The following ZNF737 variants were observed in gnomAD, a reference collection of about 807,000 sequenced individuals.
The protein encoded by ZNF737 is zinc finger protein 737.
In ZNF737, 13 loss-of-function variants were observed where a neutral mutation model predicts 11.7. The observed-to-expected ratio is 1.11, with a 90% CI of 0.73 to 1.77. ZNF737 has a LOEUF of 1.77. ZNF737 is among the 40% of genes most tolerant of loss of function. The pLI, the probability that ZNF737 is intolerant of heterozygous loss-of-function variation, is 0.00. For synonymous variants in ZNF737, 217 were observed against 216.2 expected (o/e 1.00, Z -0.03); for missense variants, 636 against 638.0 (o/e 1.00, Z 0.03).
intron 3 of ZNF737, among the ~76,000 whole-genome samples, chr19:20,548,970 A>AG (rs1968559711): frequency 8.5e-6 from 1 of 116,970 alleles, no homozygotes; most frequent in East Asian, 3.1e-4. Context: ...CTGAAAAAAA[A>AG]AAAAAAAAAA....
intron 1 of ZNF737, 138 bp downstream of exon 1, chr19:20,565,500 G>C: frequency 6.8e-7 from 1 of 1,472,602 alleles, no homozygotes; most frequent in Non-Finnish European, 9.5e-7. Context: ...ACGGGACTGA[G>C]GCCGAGCTGG....
chr19:20,536,334 C>T (rs1444240029), downstream of ZNF737, among the ~76,000 whole-genome samples: 2 of 152,018 alleles, frequency 1.3e-5, no homozygotes, highest in South Asian at 2.1e-4. Flanking sequence ...AAAATATGAC[C>T]TCACACTAAT....
chr19:20,561,106 G>T (rs188190574), intron 1 of ZNF737, among the ~76,000 whole-genome samples: 79 of 152,322 alleles, frequency 5.2e-4, no homozygotes, highest in African/African-American at 1.8e-3. Flanking sequence ...TGCAATGTAG[G>T]TGAGAGGACT....
At chr19:20,565,336 A>AC (rs1421090594) in intron 1 of ZNF737, among the ~76,000 whole-genome samples, 1 of 151,240 alleles carries the variant, frequency 6.6e-6, no homozygotes, top group East Asian at 1.9e-4. Flanking sequence ...TCCCCTGACG[A>AC]CCCTCTGGTG....
At chr19:20,556,188 C>T (rs1390816956) in intron 1 of ZNF737, among the ~76,000 whole-genome samples, 1 of 152,138 alleles carries the variant, frequency 6.6e-6, no homozygotes, top group Non-Finnish European at 1.5e-5. Context: ...CTGTGGCCAC[C>T]CTTTAGTGCA....
At chr19:20,531,579 C>G (rs1967830144), downstream of ZNF737, among the ~76,000 whole-genome samples, 1 of 149,306 alleles carries the variant, frequency 6.7e-6, no homozygotes, top group Admixed American at 6.7e-5. Context: ...CCTCTGCCTC[C>G]CTAGTAGCTG....
Position 20,542,536 on chromosome 19 carries a change from C to A in ZNF737, c.*2056G>T. ...CATGAGCCATCAAGCCCGGCCCTAA[C>A]AGTTTTAAAATGCACTGCATTTTAT... On this transcript the variant is annotated 3_prime_UTR_variant, in exon 4 of 4. Coordinates refer to ENST00000427401, the MANE Select transcript of ZNF737 (RefSeq NM_001159293.2). 1 of 981,822 alleles carries A rather than the reference C, an allele frequency of 1.0e-6. No individual in the cohort carries two copies. The highest frequency in any genetic ancestry group is 1.2e-6 in the Non-Finnish European group (1 of 826,978). The allele number at this position is 981,822 out of a possible 1,614,324, so 60.8% of individuals were successfully genotyped here. A position where few individuals can be genotyped will look rare whatever the true frequency, so the allele number is the denominator to read the frequency against.
downstream of ZNF737, among the ~76,000 whole-genome samples, chr19:20,534,372 G>A (rs772590215): frequency 5.5e-4 from 82 of 150,016 alleles, 1 homozygote; most frequent in Non-Finnish European, 1.0e-3. Flanking sequence ...AACCAGGGAT[G>A]TGGAGGTTGC....
chr19:20,552,563 A>G lies in ZNF737; in HGVS notation c.138T>C (p.Val46=), dbSNP rs782561258. Reference sequence around the variant, plus strand: ...AGGTGATGAGGTCTGGCTTAGAGACAACAATACCTGTTTTATTAAAAATAA... The same window carrying G: ...AGGTGATGAGGTCTGGCTTAGAGACGACAATACCTGTTTTATTAAAAATAA... The part of the protein sequence containing the change: ...NYRNLVFLGI[V]VSKPDLITCL... The change falls in exon 3 of 4, where the codon GTT becomes GTC. Residue 46 remains valine (V), a synonymous_variant. Transcript: ENST00000427401. 1.1e-5 allele frequency: 18 copies of G among 1,576,912 alleles called. No homozygotes were observed. Among genetic ancestry groups the G allele is most frequent in the Non-Finnish European group, 1.5e-5 (18 of 1,165,238 alleles).
intron 1 of ZNF737, 97 bp from the exon 2 acceptor site, chr19:20,553,932 C>G: frequency 6.9e-7 from 1 of 1,453,888 alleles, no homozygotes; most frequent in South Asian, 1.3e-5. Context: ...ACAAATGGTT[C>G]TGACTTATAG....
chr19:20,549,355 G>C (rs2562642), intron 3 of ZNF737, among the ~76,000 whole-genome samples: 72,690 of 151,920 alleles, frequency 0.48, 17,678 homozygotes, highest in East Asian at 0.64. Context: ...TGAGGCCAGA[G>C]GCAGTAGGTC....
rs1599402545 is a variant in ZNF737, at chr19:20,543,176, C to T, written c.*1416G>A. 2.7e-6 allele frequency: 2 copies of T among 743,674 alleles called. No individual in the cohort carries two copies. The highest frequency in any genetic ancestry group is 3.2e-6 in the Non-Finnish European group (2 of 617,416). The allele number at this position is 743,674 out of a possible 1,614,324, so 46.1% of individuals were successfully genotyped here. On this transcript the variant is annotated 3_prime_UTR_variant, in exon 4 of 4. Transcript: ENST00000427401. The stretch of plus-strand genomic sequence containing the variant: ...AAAATTATATTTTAGCATAAACTCT[C>T]TGTTGTTTTCTAAGCTGTAGTTTCT...
rs1968186507 is a variant in ZNF737, at chr19:20,541,100, A to G, written c.*3492T>C. 1 of 984,492 alleles carries G rather than the reference A, an allele frequency of 1.0e-6. No homozygotes were observed. Among genetic ancestry groups the G allele is most frequent in the Non-Finnish European group, 1.2e-6 (1 of 829,182 alleles). 61.0% of individuals were successfully genotyped at this position (984,492 alleles called of 1,614,324 possible). On this transcript the variant is annotated 3_prime_UTR_variant, in exon 4 of 4. Coordinates refer to ENST00000427401, the MANE Select transcript of ZNF737 (RefSeq NM_001159293.2). ...AGACTCTGGGGAGAATCCGAATCAC[A>G]GGCCAGAACATTTTATATTAATAAA...
chr19:20,563,630 C>T (rs1373462814), intron 1 of ZNF737, among the ~76,000 whole-genome samples: 3 of 151,470 alleles, frequency 2.0e-5, no homozygotes, highest in Non-Finnish European at 2.9e-5. Flanking sequence ...GGAATACAGG[C>T]GTATGCCACC....
At chr19:20,531,251 G>GAGAGGGA (rs1234346316), downstream of ZNF737, among the ~76,000 whole-genome samples, 1 of 135,256 alleles carries the variant, frequency 7.4e-6, no homozygotes, top group Non-Finnish European at 1.6e-5. Flanking sequence ...GGGGAGACGG[G>GAGAGGGA]AGAGGGGAGA....
rs1242712650 is a variant in ZNF737, at chr19:20,543,395, AAT to A, written c.*1195_*1196del. 1.0e-6 allele frequency: 1 copy of A among 986,418 alleles called. No homozygotes were observed. The highest frequency in any genetic ancestry group is 1.7e-5 in the African/African-American group (1 of 57,268). 61.1% of individuals were successfully genotyped at this position (986,418 alleles called of 1,614,324 possible). A position where few individuals can be genotyped will look rare whatever the true frequency, so the allele number is the denominator to read the frequency against. On this transcript the variant is annotated 3_prime_UTR_variant, in exon 4 of 4. Coordinates refer to ENST00000427401, the MANE Select transcript of ZNF737 (RefSeq NM_001159293.2). Reference sequence around the variant, plus strand: ...ATTTGTAATGCTTGTCTTCACAATAAATACTCTTCTTCACTTTAAAGGCTTAT... The same window carrying A: ...ATTTGTAATGCTTGTCTTCACAATAAACTCTTCTTCACTTTAAAGGCTTAT...
chr19:20,545,150 C>A lies in ZNF737; in HGVS notation c.1053G>T (p.Lys351Asn). The A allele has an allele frequency of 6.2e-7, 1 of 1,610,502 alleles. No homozygotes were observed. Residue 351 changes from lysine to asparagine, a missense_variant, in exon 4 of 4, where the codon AAG (lysine) becomes AAT (asparagine). Physicochemically the swap from Lys to Asn is moderately conservative, Grantham distance 94. Coordinates refer to ENST00000427401, the MANE Select transcript of ZNF737 (RefSeq NM_001159293.2). ...TGTGTGTAGTAAGGGATGAGAAGTA[C>A]TTAAAGGCTCTGCCACATTCTTCAC... ...YKCEECGRAF[K>N]YFSSLTTHKI...
rs940441915 is a variant in ZNF737 at position 20,543,005 on chromosome 19, A to C, written c.*1587T>G. The C allele has an allele frequency of 2.0e-6, 2 of 985,106 alleles. No individual in the cohort carries two copies. Among genetic ancestry groups the C allele is most frequent in the Non-Finnish European group, 2.4e-6 (2 of 829,770 alleles). The allele number at this position is 985,106 out of a possible 1,614,324, so 61.0% of individuals were successfully genotyped here. On this transcript the variant is annotated 3_prime_UTR_variant, in exon 4 of 4. Coordinates refer to ENST00000427401, the MANE Select transcript of ZNF737 (RefSeq NM_001159293.2). ...TAGAAATCATTTACCTAAAAACTGCAGTTGTGGATTAGTTTTTATATTCAA... is the reference window on the plus strand; with the variant it reads ...TAGAAATCATTTACCTAAAAACTGCCGTTGTGGATTAGTTTTTATATTCAA...
chr19:20,531,241 G>GGGGAGGC (rs1967818845), downstream of ZNF737, among the ~76,000 whole-genome samples: 1 of 81,166 alleles, frequency 1.2e-5, no homozygotes, highest in African/African-American at 7.1e-5. Context: ...AGAGGGGAGA[G>GGGGAGGC]GGGAGACGGG....
Sources: gnomAD v4.1 joint callset for allele counts (sites outside exome capture counted in the v4.1 genomes callset) on GRCh38, gnomAD v4.1.1 for gene constraint, MANE v1.5 for transcripts, NCBI Gene and HGNC (gene_info 2026-07-23, HGNC 2026-07-21) for gene names.